Variants in ZBBX observed in about 807,000 individuals in gnomAD.
ZBBX encodes zinc finger B-box domain-containing protein 1.
Under a neutral mutation model 108.5 loss-of-function variants are expected in ZBBX, and 101 were observed. The observed-to-expected ratio is 0.93, with a 90% CI of 0.79 to 1.10. The LOEUF is 1.10. ZBBX is among the 50% of genes least tolerant of loss of function. The pLI, the probability that ZBBX is intolerant of heterozygous loss-of-function variation, is 0.00. For missense variants in ZBBX, 1,009 were observed against 941.4 expected (o/e 1.07, Z -0.94); for synonymous variants, 356 against 323.4 (o/e 1.10, Z -1.08).
At chr3:167,328,236 A>T (rs1270316429) in intron 10 of ZBBX, 120 bp from the exon 11 acceptor site, 19 of 969,988 alleles carry the variant, frequency 2.0e-5, no homozygotes, top group Non-Finnish European at 2.8e-5. Flanking sequence ...TAGTCATCAC[A>T]AATCAGACTT....
chr3:167,185,090 G>A, the ZBBX span, among the ~76,000 whole-genome samples: 89 of 152,224 alleles, frequency 5.8e-4, no homozygotes, highest in African/African-American at 2.0e-3. Context: ...TAGAGACTTG[G>A]TTTGTAATTG....
At chr3:167,207,122 A>T in the ZBBX span, among the ~76,000 whole-genome samples, 1 of 152,222 alleles carries the variant, frequency 6.6e-6, no homozygotes, top group Non-Finnish European at 1.5e-5. Flanking sequence ...AAAAACAGAC[A>T]TAAAGTAGGA....
chr3:167,400,269 A>G (rs1053815109), intron 1 of ZBBX, among the ~76,000 whole-genome samples: 3 of 152,130 alleles, frequency 2.0e-5, no homozygotes, highest in Non-Finnish European at 4.4e-5. Context: ...TAGTTTTTTT[A>G]GAAATCTCCA....
In ZBBX at chr3:167,264,236, C is replaced by A. The variant is rs13090576; in HGVS notation, c.2254+18002G>T. 3.7e-3 allele frequency among the ~76,000 whole-genome samples: 563 copies of A among 152,254 alleles called. 2 individuals are homozygous for A. The highest frequency in any genetic ancestry group is 1.0e-2 in the South Asian group (48 of 4,824). The stretch of plus-strand genomic sequence containing the variant: ...TGTTATTGATAAGGACTTACTCCTG[C>A]CATTTCATTATTTGTTTTCTGGTTG... On this transcript the variant is annotated intron_variant, in intron 20 of 21. Coordinates refer to ENST00000675490, the MANE Select transcript of ZBBX (RefSeq NM_001199201.2).
intron 20 of ZBBX, among the ~76,000 whole-genome samples, chr3:167,276,435 T>C (rs545097524): frequency 6.6e-6 from 1 of 152,204 alleles, no homozygotes; most frequent in South Asian, 2.1e-4. Context: ...CGAAGAGAAC[T>C]ATGTGAAGAA....
chr3:167,201,589 T>C, the ZBBX span, among the ~76,000 whole-genome samples: 1 of 152,080 alleles, frequency 6.6e-6, no homozygotes, highest in Non-Finnish European at 1.5e-5. Flanking sequence ...TGTAAACAAA[T>C]CAGAAACTCA....
intron 1 of ZBBX, among the ~76,000 whole-genome samples, chr3:167,396,483 T>A (rs1748238600): frequency 6.6e-6 from 1 of 152,026 alleles, no homozygotes; most frequent in Non-Finnish European, 1.5e-5. Flanking sequence ...GGCATTAGAT[T>A]GAGCACTAGC....
rs150256949 is a variant in ZBBX at position 167,369,582 on chromosome 3, A to G, written c.69-1008T>C. On this transcript the variant is annotated intron_variant, in intron 4 of 21. Transcript: ENST00000675490. ...GTATCTACTCCACAATGAGTAATGC[A>G]GCTACTACCTCAAACAAACACTGCT... Among the ~76,000 whole-genome samples, 805 of 152,356 alleles carry G rather than the reference A, an allele frequency of 5.3e-3. 4 individuals are homozygous for G. The highest frequency in any genetic ancestry group is 9.2e-3 in the Non-Finnish European group (625 of 68,028).
the ZBBX span, among the ~76,000 whole-genome samples, chr3:167,211,763 C>T: frequency 1.3e-5 from 2 of 151,770 alleles, no homozygotes; most frequent in South Asian, 2.1e-4. Flanking sequence ...CCTCACTGGG[C>T]AGGACCTCCA....
At position 167,348,295 on chromosome 3, in the gene ZBBX, G is replaced by GA. The variant is rs1258445132; in HGVS notation, c.528+2124dup. On this transcript the variant is annotated intron_variant, in intron 9 of 21. Coordinates refer to ENST00000675490, the MANE Select transcript of ZBBX (RefSeq NM_001199201.2). The stretch of plus-strand genomic sequence containing the variant: ...GGAAGGAAGGAAGGAAGGAAGGAAA[G>GA]AAGAAAGAGAGAAAGAAAGAGAAAG... Among the ~76,000 whole-genome samples the GA allele has an allele frequency of 4.3e-4, 44 of 102,684 alleles. No individual in the cohort carries two copies. The Middle Eastern group carries it at 0.021, about 50-fold the overall frequency. The allele number at this position is 102,684 out of a possible 152,430, so 67.4% of individuals were successfully genotyped here.
the ZBBX span, among the ~76,000 whole-genome samples, chr3:167,224,603 C>T: frequency 2.0e-5 from 3 of 151,764 alleles, no homozygotes; most frequent in Non-Finnish European, 4.4e-5. Flanking sequence ...TAAGTAAATA[C>T]GTTTGGAAAA....
At position 167,282,405 on chromosome 3, in the gene ZBBX, C is replaced by A; in HGVS notation, c.2087G>T (p.Arg696Leu). 1 of 1,613,964 alleles carries A rather than the reference C, an allele frequency of 6.2e-7. No homozygotes were observed. The highest frequency in any genetic ancestry group is 8.5e-7 in the Non-Finnish European group (1 of 1,179,970). Residue 696 changes from arginine to leucine, a missense_variant, in exon 20 of 22, where the codon CGA (arginine) becomes CTA (leucine). By Grantham distance (102) the Arg-to-Leu change is moderately radical. Transcript: ENST00000675490. ...TGATTGAGCAGCTGCACTTCTTGATCGAGGATGAGAGGATGAAAGGCAACT... is the reference window on the plus strand; with the variant it reads ...TGATTGAGCAGCTGCACTTCTTGATAGAGGATGAGAGGATGAAAGGCAACT... Reference protein sequence around the residue: ...SSSCLSSSHPRSRSAAAQSSS... With the variant: ...SSSCLSSSHPLSRSAAAQSSS...
chr3:167,398,635 T>A lies in ZBBX; in HGVS notation c.-446+9091A>T, dbSNP rs560586401. 9.2e-5 allele frequency among the ~76,000 whole-genome samples: 14 copies of A among 152,206 alleles called. No individual in the cohort carries two copies. The South Asian group carries it at 2.9e-3, about 32-fold the overall frequency. ...CTGGTTGGATTTATTACCTAAAGAA[T>A]TATGATAGCACGTGAAAAAAATTCT... On this transcript the variant is annotated intron_variant, in intron 1 of 21. Transcript: ENST00000455345.
chr3:167,323,317 T>C (rs1736807605), intron 11 of ZBBX, among the ~76,000 whole-genome samples: 1 of 150,780 alleles, frequency 6.6e-6, no homozygotes, highest in South Asian at 2.1e-4. Context: ...ATATAAACTC[T>C]AAACACAGAA....
At chr3:167,257,729 G>A (rs1412569710) in intron 20 of ZBBX, among the ~76,000 whole-genome samples, 2 of 152,084 alleles carry the variant, frequency 1.3e-5, no homozygotes, top group African/African-American at 4.8e-5. Context: ...TTGTGGTTTT[G>A]ATTTGCATTT....
At chr3:167,262,156 G>A (rs940716207) in intron 20 of ZBBX, among the ~76,000 whole-genome samples, 3 of 151,914 alleles carry the variant, frequency 2.0e-5, no homozygotes, top group Non-Finnish European at 4.4e-5. Context: ...TTTGGAAGAG[G>A]GGGTCTCTCT....
chr3:167,281,163 T>A (rs1394010592), intron 20 of ZBBX, among the ~76,000 whole-genome samples: 2 of 151,892 alleles, frequency 1.3e-5, no homozygotes, highest in Admixed American at 1.3e-4. Flanking sequence ...AGATGATGAG[T>A]TAGTGGGTGC....
At chr3:167,214,868 A>C in the ZBBX span, among the ~76,000 whole-genome samples, 1 of 152,172 alleles carries the variant, frequency 6.6e-6, no homozygotes, top group South Asian at 2.1e-4. Flanking sequence ...GGAAAGTAAA[A>C]CAACATTTTC....
intron 11 of ZBBX, among the ~76,000 whole-genome samples, chr3:167,324,670 C>A (rs1737054168): frequency 2.0e-5 from 3 of 152,094 alleles, no homozygotes; most frequent in Admixed American, 6.6e-5. Context: ...GTAACTTTTT[C>A]ACCATAATTT....
Sources: allele counts gnomAD v4.1 joint callset (sites outside exome capture counted in the v4.1 genomes callset), GRCh38; gene constraint gnomAD v4.1.1; transcripts MANE v1.5; gene names NCBI Gene and HGNC (gene_info 2026-07-23, HGNC 2026-07-21).